EMCN: variants seen among roughly 807,000 people sequenced by gnomAD.
EMCN encodes the protein MUC-14.
Under a neutral mutation model 38.4 loss-of-function variants are expected in EMCN, and 37 were observed. The observed-to-expected ratio is 0.96, with a 90% CI of 0.74 to 1.27. EMCN has a LOEUF of 1.27. EMCN is among the 50% of genes most tolerant of loss of function. The pLI is 0.00. For missense variants in EMCN, 318 were observed against 302.8 expected (o/e 1.05, Z -0.37); for synonymous variants, 95 against 100.8 (o/e 0.94, Z 0.35).
intron 1 of EMCN, among the ~76,000 whole-genome samples, chr4:100,497,591 T>C (rs1377513482): frequency 6.6e-6 from 1 of 152,158 alleles, no homozygotes; most frequent in Non-Finnish European, 1.5e-5. Context: ...TTAGCCAGGA[T>C]GGTCTCGATC....
At chr4:100,417,595 A>G (rs1726771022) in intron 8 of EMCN, among the ~76,000 whole-genome samples, 1 of 150,458 alleles carries the variant, frequency 6.6e-6, no homozygotes, top group Admixed American at 6.6e-5. Flanking sequence ...GGTGAGCTAC[A>G]ATGTAGATAC....
At position 100,508,144 on chromosome 4, in the gene EMCN, A is replaced by G. The variant is rs550632796; in HGVS notation, c.64+9707T>C. Among the ~76,000 whole-genome samples, 12 of 152,334 alleles carry G rather than the reference A, an allele frequency of 7.9e-5. No individual in the cohort carries two copies. In the South Asian group the frequency reaches 2.3e-3, roughly 29 times the overall value. On this transcript the variant is annotated intron_variant, in intron 1 of 11. Coordinates refer to ENST00000296420, the MANE Select transcript of EMCN (RefSeq NM_016242.4). ...AGATCTGGAAGAAATCTTTCATATC[A>G]CTTGATTAAACCACACTCATTTTAT...
At chr4:100,431,221 A>G (rs956348790) in intron 5 of EMCN, among the ~76,000 whole-genome samples, 3 of 152,126 alleles carry the variant, frequency 2.0e-5, no homozygotes, top group Non-Finnish European at 4.4e-5. Flanking sequence ...AAACACAGTT[A>G]AGGAAAGTAA....
rs1038081884 is a variant in EMCN at position 100,504,643 on chromosome 4, C to T, written c.64+13208G>A. 4.6e-5 allele frequency among the ~76,000 whole-genome samples: 7 copies of T among 152,172 alleles called. No homozygotes were observed. The East Asian group carries it at 9.7e-4, about 21-fold the overall frequency. On this transcript the variant is annotated intron_variant, in intron 1 of 11. Transcript: ENST00000296420. Reference sequence around the variant, plus strand: ...AAGAGTGTGAGCCTTCTGTTATGCCCGGACAGGGCCACCGGAGGGCTCCTT... The same window carrying T: ...AAGAGTGTGAGCCTTCTGTTATGCCTGGACAGGGCCACCGGAGGGCTCCTT...
intron 4 of EMCN, among the ~76,000 whole-genome samples, chr4:100,460,097 A>T (rs777576140): frequency 1.3e-5 from 2 of 151,952 alleles, no homozygotes; most frequent in Non-Finnish European, 2.9e-5. Context: ...TTTATCTCTC[A>T]TCTTTTTGAT....
chr4:100,486,829 G>A, intron 1 of EMCN: 1 of 982,820 alleles, frequency 1.0e-6, no homozygotes, highest in Non-Finnish European at 1.2e-6. Flanking sequence ...ACAAATGGAT[G>A]GAGGTGTACA....
chr4:100,454,710 A>G lies in EMCN; in HGVS notation c.377-7139T>C, dbSNP rs148843018. Among the ~76,000 whole-genome samples the G allele has an allele frequency of 2.3e-3, 344 of 152,304 alleles. 3 individuals carry two copies. The highest frequency in any genetic ancestry group is 0.013 in the East Asian group (68 of 5,188). On this transcript the variant is annotated intron_variant, in intron 4 of 11. Transcript: ENST00000296420. ...TGAGAATACCAGATAACTGTCACCA[A>G]TGATGTCAAAGTATAGATCTTTCTA...
chr4:100,476,120 C>T (rs1024488816), intron 2 of EMCN, among the ~76,000 whole-genome samples: 2 of 152,052 alleles, frequency 1.3e-5, no homozygotes, highest in African/African-American at 4.8e-5. Flanking sequence ...CAACATGACT[C>T]ATCAGTTTGA....
chr4:100,436,883 G>A (rs571942104), intron 5 of EMCN, among the ~76,000 whole-genome samples: 1 of 152,196 alleles, frequency 6.6e-6, no homozygotes, highest in Non-Finnish European at 1.5e-5. Flanking sequence ...AGGTGTGCGG[G>A]GGAAGAGAGA....
At chr4:100,516,299 C>G (rs1418828779) in intron 1 of EMCN, among the ~76,000 whole-genome samples, 1 of 152,068 alleles carries the variant, frequency 6.6e-6, no homozygotes, top group Non-Finnish European at 1.5e-5. Context: ...TCTATTGATG[C>G]TATTCCACTT....
chr4:100,505,490 A>G (rs993641250), intron 1 of EMCN, among the ~76,000 whole-genome samples: 6 of 152,120 alleles, frequency 3.9e-5, no homozygotes, highest in Non-Finnish European at 7.4e-5. Flanking sequence ...AGAACTGGGA[A>G]CATGAGGAAG....
At chr4:100,437,025 G>A (rs561976092) in intron 5 of EMCN, among the ~76,000 whole-genome samples, 7 of 152,202 alleles carry the variant, frequency 4.6e-5, no homozygotes, top group East Asian at 1.9e-4. Flanking sequence ...ATACACTCTG[G>A]AACTTAAAAT....
At chr4:100,505,937 G>A (rs1434760612) in intron 1 of EMCN, among the ~76,000 whole-genome samples, 1 of 152,036 alleles carries the variant, frequency 6.6e-6, no homozygotes, top group Admixed American at 6.6e-5. Flanking sequence ...CCACAAAACT[G>A]TCCATTTCTT....
At chr4:100,415,826 A>T (rs773391657) in intron 10 of EMCN, 72 bp downstream of exon 10, 9 of 1,049,984 alleles carry the variant, frequency 8.6e-6, no homozygotes, top group African/African-American at 1.7e-5. Flanking sequence ...GTTTCACATG[A>T]ACAAAATCCA....
intron 5 of EMCN, among the ~76,000 whole-genome samples, chr4:100,445,497 T>C (rs1727644227): frequency 6.6e-6 from 1 of 152,194 alleles, no homozygotes; most frequent in Non-Finnish European, 1.5e-5. Flanking sequence ...CTGTGTGTGA[T>C]ATATTCAAAG....
Position 100,487,224 on chromosome 4 carries a change from C to T in EMCN, c.65-7185G>A, listed in dbSNP as rs573054176. ...AACTACCTTCCAACGAAGTAAGATG[C>T]TGGGGCTCAGCACATCCCTGTAAGC... is the stretch of plus-strand genomic sequence containing the variant. On this transcript the variant is annotated intron_variant, in intron 1 of 11. Coordinates refer to ENST00000296420, the MANE Select transcript of EMCN (RefSeq NM_016242.4). 1.1e-4 allele frequency among the ~76,000 whole-genome samples: 17 copies of T among 152,276 alleles called. 1 individual carries two copies. The South Asian group carries it at 3.5e-3, about 32-fold the overall frequency.
At chr4:100,504,914 G>A (rs912372028) in intron 1 of EMCN, among the ~76,000 whole-genome samples, 5 of 152,196 alleles carry the variant, frequency 3.3e-5, no homozygotes, top group Admixed American at 3.3e-4. Context: ...GTGCTTCAGT[G>A]GTCACACTCC....
chr4:100,494,280 T>C (rs1239197847), intron 1 of EMCN, among the ~76,000 whole-genome samples: 1 of 152,156 alleles, frequency 6.6e-6, no homozygotes, highest in Non-Finnish European at 1.5e-5. Context: ...AGTGAACACA[T>C]TTAGAAATAA....
At chr4:100,499,388 A>G (rs1340513519) in intron 1 of EMCN, among the ~76,000 whole-genome samples, 2 of 152,248 alleles carry the variant, frequency 1.3e-5, no homozygotes, top group African/African-American at 2.4e-5. Flanking sequence ...CAGATGTGTT[A>G]CCACATTGAA....
Sources: allele counts gnomAD v4.1 joint callset (sites outside exome capture counted in the v4.1 genomes callset), GRCh38; gene constraint gnomAD v4.1.1; transcripts MANE v1.5; gene names NCBI Gene and HGNC (gene_info 2026-07-23, HGNC 2026-07-21).